CAMK2D: variants seen among roughly 807,000 people sequenced by gnomAD.
The protein encoded by CAMK2D is calcium/calmodulin dependent protein kinase II delta.
A neutral mutation model predicts 84.0 loss-of-function variants in CAMK2D; 37 were observed. The ratio of observed to expected loss-of-function variants is 0.44; its 90% CI spans 0.34 to 0.58. CAMK2D has a LOEUF of 0.58. CAMK2D is among the 20% of genes least tolerant of loss of function. The pLI, the probability that CAMK2D is intolerant of heterozygous loss-of-function variation, is 0.02. For synonymous variants in CAMK2D, 202 were observed against 212.5 expected (o/e 0.95, Z 0.43); for missense variants, 448 against 652.5 (o/e 0.69, Z 3.41).
intron 19 of CAMK2D, 75 bp from the exon 20 acceptor site, chr4:113,455,896 C>G: frequency 1.2e-6 from 1 of 849,100 alleles, no homozygotes; most frequent in Non-Finnish European, 2.0e-6. Context: ...CCCATAAACA[C>G]TTCAGGGAAC....
At chr4:113,481,195 G>C (rs943662950) in intron 16 of CAMK2D, among the ~76,000 whole-genome samples, 2 of 152,028 alleles carry the variant, frequency 1.3e-5, no homozygotes, top group African/African-American at 4.8e-5. Context: ...GGAGAATTCC[G>C]ATCATTTTAG....
chr4:113,703,489 C>T (rs1230791207), intron 2 of CAMK2D, among the ~76,000 whole-genome samples: 1 of 152,100 alleles, frequency 6.6e-6, no homozygotes, highest in Non-Finnish European at 1.5e-5. Flanking sequence ...CTATGCCCAA[C>T]TGACTTTTTT....
At chr4:113,753,019 T>C (rs1002903794) in intron 2 of CAMK2D, among the ~76,000 whole-genome samples, 3 of 152,010 alleles carry the variant, frequency 2.0e-5, no homozygotes, top group Non-Finnish European at 4.4e-5. Context: ...TTAAGATAAG[T>C]CCTCTCTAAT....
chr4:113,640,878 T>G (rs1592341738), intron 3 of CAMK2D, among the ~76,000 whole-genome samples: 1 of 152,242 alleles, frequency 6.6e-6, no homozygotes, highest in African/African-American at 2.4e-5. Context: ...ATAGACAGAC[T>G]CATTTTAACT....
At chr4:113,581,538 A>AGAAAG (rs373914022) in intron 4 of CAMK2D, among the ~76,000 whole-genome samples, 1 of 151,236 alleles carries the variant, frequency 6.6e-6, no homozygotes, top group Non-Finnish European at 1.5e-5. Flanking sequence ...AAAAAAGAAA[A>AGAAAG]GAAAAGAAAA....
At chr4:113,541,719 T>A (rs1041586864) in intron 6 of CAMK2D, among the ~76,000 whole-genome samples, 3 of 152,200 alleles carry the variant, frequency 2.0e-5, no homozygotes, top group Admixed American at 1.3e-4. Flanking sequence ...TTTTAAAATT[T>A]CTTTCCTCTA....
At chr4:113,639,743 A>C (rs2099124757) in intron 3 of CAMK2D, among the ~76,000 whole-genome samples, 1 of 152,054 alleles carries the variant, frequency 6.6e-6, no homozygotes, top group South Asian at 2.1e-4. Flanking sequence ...AAGAAATTAC[A>C]GTTTTGGGGA....
intron 13 of CAMK2D, 121 bp downstream of exon 13, chr4:113,509,517 C>T: frequency 1.5e-6 from 1 of 670,280 alleles, no homozygotes; most frequent in African/African-American, 1.8e-5. Context: ...TTTCAACCTG[C>T]AACCTTTATC....
At chr4:113,608,012 G>A (rs1188036173) in intron 4 of CAMK2D, among the ~76,000 whole-genome samples, 2 of 152,142 alleles carry the variant, frequency 1.3e-5, no homozygotes, top group Non-Finnish European at 2.9e-5. Flanking sequence ...TCTAATTAAG[G>A]AATCTTGAAC....
chr4:113,460,083 G>A, intron 18 of CAMK2D, 64 bp downstream of exon 18: 1 of 934,326 alleles, frequency 1.1e-6, no homozygotes. Flanking sequence ...AAAATAATCT[G>A]CAAATTTGGG....
intron 2 of CAMK2D, among the ~76,000 whole-genome samples, chr4:113,707,335 A>AAAGGATAC (rs1561953890): frequency 1.3e-5 from 2 of 152,208 alleles, no homozygotes; most frequent in East Asian, 3.8e-4. Flanking sequence ...AGAAAGATCA[A>AAAGGATAC]AAGGATACAA....
intron 2 of CAMK2D, among the ~76,000 whole-genome samples, chr4:113,663,825 A>T (rs913113352): frequency 2.0e-5 from 3 of 152,040 alleles, no homozygotes; most frequent in Non-Finnish European, 4.4e-5. Context: ...CTATAGAGAT[A>T]AACATAACTA....
At chr4:113,519,120 T>C (rs2098325268) in intron 8 of CAMK2D, among the ~76,000 whole-genome samples, 1 of 152,182 alleles carries the variant, frequency 6.6e-6, no homozygotes, top group African/African-American at 2.4e-5. Context: ...AAGCTGTACC[T>C]GAGTAGTTTT....
At chr4:113,740,454 G>A (rs1287680994) in intron 2 of CAMK2D, among the ~76,000 whole-genome samples, 2 of 152,050 alleles carry the variant, frequency 1.3e-5, no homozygotes, top group Non-Finnish European at 2.9e-5. Context: ...ACAGAAAATA[G>A]ATGAGTGGTT....
chr4:113,614,859 T>A (rs184711291), intron 3 of CAMK2D, among the ~76,000 whole-genome samples: 141 of 152,282 alleles, frequency 9.3e-4, no homozygotes, highest in South Asian at 1.0e-3. Flanking sequence ...AAAAAAAGAA[T>A]GAGTCTGACC....
In CAMK2D at chr4:113,625,791, T is replaced by C. The variant is rs2099065457; in HGVS notation, c.221-16585A>G. The stretch of plus-strand genomic sequence containing the variant: ...GTTCTGAGGAGAGGGTGATATGCTC[T>C]GCTTGTTTTAAGAACACATCCGTGA... On this transcript the variant is annotated intron_variant, in intron 3 of 20. Coordinates refer to ENST00000511664, the MANE Select transcript of CAMK2D (RefSeq NM_001321571.2). 2.0e-5 allele frequency among the ~76,000 whole-genome samples: 3 copies of C among 152,238 alleles called. No individual in the cohort carries two copies. In the South Asian group the frequency reaches 6.2e-4, roughly 32 times the overall value.
chr4:113,638,430 T>C (rs1269278726), intron 3 of CAMK2D, among the ~76,000 whole-genome samples: 1 of 152,126 alleles, frequency 6.6e-6, no homozygotes, highest in African/African-American at 2.4e-5. Flanking sequence ...ATTATTTTCT[T>C]TTCTGAGGTG....
intron 13 of CAMK2D, chr4:113,508,299 GAA>G: frequency 6.8e-7 from 1 of 1,462,880 alleles, no homozygotes; most frequent in Non-Finnish European, 9.3e-7. Context: ...GAAAGGAAAA[GAA>G]AAAAAAATAT....
At chr4:113,726,416 T>C (rs1433027542) in intron 2 of CAMK2D, among the ~76,000 whole-genome samples, 1 of 141,212 alleles carries the variant, frequency 7.1e-6, no homozygotes, top group East Asian at 2.2e-4. Flanking sequence ...GGTCTCACTC[T>C]GTTACTCAGG....
Sources: gnomAD v4.1 joint callset for allele counts (sites outside exome capture counted in the v4.1 genomes callset) on GRCh38, gnomAD v4.1.1 for gene constraint, MANE v1.5 for transcripts, NCBI Gene and HGNC (gene_info 2026-07-23, HGNC 2026-07-21) for gene names.